The following PTPRN2 variants were observed in gnomAD, a reference collection of about 807,000 sequenced individuals.
PTPRN2 encodes the protein receptor-type tyrosine-protein phosphatase N2.
A neutral mutation model predicts 118.8 loss-of-function variants in PTPRN2; 74 were observed. That is an observed-to-expected ratio of 0.62 (90% CI 0.52 to 0.76). PTPRN2 has a LOEUF of 0.76. Ranked by LOEUF, PTPRN2 falls within the 30% of genes least tolerant of loss-of-function variation. The probability of loss-of-function intolerance (pLI) is 0.00; values close to 1 mark genes in which losing one functional copy is unlikely to be tolerated. For missense variants in PTPRN2, 1,481 were observed against 1,394.4 expected, an observed-to-expected ratio of 1.06 and a Z score of -0.99; for synonymous variants, 641 against 608.0, an observed-to-expected ratio of 1.05 and a Z score of -0.80.
In PTPRN2 at chr7:157,927,128, A is replaced by G. The variant is rs1424889803; in HGVS notation, c.1724-28391T>C. On this transcript the variant is annotated intron_variant, in intron 11 of 22. Coordinates refer to ENST00000389418, the MANE Select transcript of PTPRN2 (RefSeq NM_002847.5). ...ACCCGTCTGAGAACAGAGGCCTCGC[A>G]TCTTCTGGGACCCCGAAGACAGGAA... Among the ~76,000 whole-genome samples, 70 of 113,512 alleles carry G rather than the reference A, an allele frequency of 6.2e-4. 1 individual carries two copies. Among genetic ancestry groups the G allele is most frequent in the South Asian group, 9.8e-4 (3 of 3,070 alleles). 74.5% of individuals were successfully genotyped at this position (113,512 alleles called of 152,430 possible).
At chr7:157,817,445 A>G (rs757261720) in intron 12 of PTPRN2, among the ~76,000 whole-genome samples, 4 of 152,204 alleles carry the variant, frequency 2.6e-5, no homozygotes, top group Non-Finnish European at 5.9e-5. Context: ...CACTGAGGTC[A>G]CATGAGTATC....
At chr7:157,762,995 G>T (rs925177908) in intron 12 of PTPRN2, among the ~76,000 whole-genome samples, 2 of 152,094 alleles carry the variant, frequency 1.3e-5, no homozygotes, top group Admixed American at 1.3e-4. Flanking sequence ...CGGTCACAGG[G>T]CTAACCCTCC....
chr7:158,258,736 G>A (rs1356653405), intron 3 of PTPRN2, among the ~76,000 whole-genome samples: 1 of 152,202 alleles, frequency 6.6e-6, no homozygotes, highest in East Asian at 1.9e-4. Flanking sequence ...GGCATCCAGG[G>A]TTTTCCTTGT....
intron 10 of PTPRN2, among the ~76,000 whole-genome samples, chr7:158,087,454 G>A (rs1326759549): frequency 6.6e-6 from 1 of 152,240 alleles, no homozygotes; most frequent in East Asian, 1.9e-4. Flanking sequence ...GAGTTTCTGA[G>A]TCACTGTTCC....
At chr7:157,712,537 G>A (rs1798696578) in intron 12 of PTPRN2, among the ~76,000 whole-genome samples, 1 of 151,992 alleles carries the variant, frequency 6.6e-6, no homozygotes, top group African/African-American at 2.4e-5. Flanking sequence ...GATCACCTGA[G>A]GTCAGGAGTT....
rs551185805 is a variant in PTPRN2, at chr7:158,114,286, G to A, written c.1557-3371C>T. Reference sequence around the variant, plus strand: ...TGCCCCAGCCACCCTCCAGCGTTTCGGAGTCAGGAGGCCACAGGTCAGGCC... The same window carrying A: ...TGCCCCAGCCACCCTCCAGCGTTTCAGAGTCAGGAGGCCACAGGTCAGGCC... On this transcript the variant is annotated intron_variant, in intron 9 of 22. Coordinates refer to ENST00000389418, the MANE Select transcript of PTPRN2 (RefSeq NM_002847.5). 1.2e-4 allele frequency among the ~76,000 whole-genome samples: 18 copies of A among 152,246 alleles called. No homozygotes were observed. The South Asian group carries it at 2.1e-3, about 18-fold the overall frequency.
chr7:158,326,885 A>G (rs1325669498), intron 2 of PTPRN2, among the ~76,000 whole-genome samples: 1 of 150,918 alleles, frequency 6.6e-6, no homozygotes, highest in Non-Finnish European at 1.5e-5. Context: ...ACGTTCTCAC[A>G]CATGCACACA....
chr7:157,621,400 T>G lies in PTPRN2; in HGVS notation c.2306A>C (p.Glu769Ala). 1 of 1,598,618 alleles carries G rather than the reference T, an allele frequency of 6.3e-7. No homozygotes were observed. Among genetic ancestry groups the G allele is most frequent in the South Asian group, 1.1e-5 (1 of 90,852 alleles). Reference protein sequence around the residue: ...PNSSFVAQREENVPKNRSLAV... With the variant: ...PNSSFVAQREANVPKNRSLAV... Reference sequence around the variant, plus strand: ...CAGGGAGCGGTTCTTGGGCACGTTCTCCTCCCTCTGGGCCACGAACGAGCT... The same window carrying G: ...CAGGGAGCGGTTCTTGGGCACGTTCGCCTCCCTCTGGGCCACGAACGAGCT... Residue 769 changes from glutamate to alanine, a missense_variant, in exon 15 of 23, where the codon GAG (glutamate) becomes GCG (alanine). Physicochemically the swap from Glu to Ala is moderately radical, Grantham distance 107. Coordinates refer to ENST00000389418, the MANE Select transcript of PTPRN2 (RefSeq NM_002847.5).
At chr7:158,045,447 T>C (rs367587717) in intron 11 of PTPRN2, among the ~76,000 whole-genome samples, 3 of 152,236 alleles carry the variant, frequency 2.0e-5, no homozygotes, top group Admixed American at 6.5e-5. Context: ...GTCTTGGCCT[T>C]GTGTCAGCAT....
intron 1 of PTPRN2, among the ~76,000 whole-genome samples, chr7:158,527,195 G>A (rs1414303526): frequency 6.6e-6 from 1 of 151,662 alleles, no homozygotes; most frequent in East Asian, 1.9e-4. Context: ...TTCCCGCACC[G>A]TGGGCCTGGC....
intron 22 of PTPRN2, among the ~76,000 whole-genome samples, chr7:157,545,223 C>CAGTGTCCGTGGCTGTGTGT (rs1491540913): frequency 7.1e-6 from 1 of 141,480 alleles, no homozygotes; most frequent in African/African-American, 2.7e-5. Flanking sequence ...TGGGTGTGCG[C>CAGTGTCCGTGGCTGTGTGT]AGTGTCCGTG....
chr7:158,329,271 C>T (rs1224120525), intron 2 of PTPRN2, among the ~76,000 whole-genome samples: 1 of 152,184 alleles, frequency 6.6e-6, no homozygotes, highest in Non-Finnish European at 1.5e-5. Context: ...ACAGTGAAGA[C>T]AGTGCCGAGA....
At chr7:157,545,889 T>A (rs1195310495) in intron 22 of PTPRN2, among the ~76,000 whole-genome samples, 1 of 152,192 alleles carries the variant, frequency 6.6e-6, no homozygotes, top group Non-Finnish European at 1.5e-5. Context: ...TCCTCTTGGC[T>A]TCGTAGAAGC....
intron 6 of PTPRN2, among the ~76,000 whole-genome samples, chr7:158,146,716 G>C (rs1367444911): frequency 3.6e-5 from 5 of 137,724 alleles, no homozygotes; most frequent in East Asian, 2.0e-4. Context: ...GCGAGACTCT[G>C]CCTCAAAAAA....
rs1160428536 is a variant in PTPRN2 at position 157,801,022 on chromosome 7, CAT to C, written c.1788+97649_1788+97650del. 1.6e-4 allele frequency among the ~76,000 whole-genome samples: 24 copies of C among 148,798 alleles called. No homozygotes were observed. The highest frequency in any genetic ancestry group is 5.8e-4 in the African/African-American group (23 of 39,978). On this transcript the variant is annotated intron_variant, in intron 12 of 22. Transcript: ENST00000389418. The surrounding 1 kb of genome is among the most constrained non-coding windows in gnomAD (Gnocchi z 4.2). ...ATACACACATATACATATACACACACATATATATACACATATATATACACATA... is the reference window on the plus strand; with the variant it reads ...ATACACACATATACATATACACACACATATATACACATATATATACACATA...
At position 158,138,334 on chromosome 7, in the gene PTPRN2, C is replaced by T. The variant is rs775781362; in HGVS notation, c.1092G>A (p.Ala364=). The T allele has an allele frequency of 2.9e-5, 47 of 1,613,508 alleles. No homozygotes were observed. In the Admixed American group the frequency reaches 3.0e-4, roughly 10 times the overall value. ...RAALGESGEQ[A]DGPKATLRGD... ...CACGGAGGGTGGCCTTGGGGCCATC[C>T]GCCTGTTCTCCAGACTCTCCCAGGG... Residue 364 remains alanine, a synonymous_variant, in exon 7 of 23, where the codon GCG becomes GCA. Coordinates refer to ENST00000389418, the MANE Select transcript of PTPRN2 (RefSeq NM_002847.5).
At chr7:158,579,159 A>T (rs1179788481) in intron 1 of PTPRN2, among the ~76,000 whole-genome samples, 2 of 152,240 alleles carry the variant, frequency 1.3e-5, no homozygotes, top group Non-Finnish European at 1.5e-5. Context: ...TCTCATCATC[A>T]CAACAAAACC....
In PTPRN2 at chr7:157,772,136, GAC is replaced by G. The variant is rs200184040; in HGVS notation, c.1789-89201_1789-89200del. ...ACACAGACATACACATACACAGACA[GAC>G]ACACACACAGACACAAACACACACA... On this transcript the variant is annotated intron_variant, in intron 12 of 22. Coordinates refer to ENST00000389418, the MANE Select transcript of PTPRN2 (RefSeq NM_002847.5). Among the ~76,000 whole-genome samples, 25 of 138,760 alleles carry G rather than the reference GAC, an allele frequency of 1.8e-4. 1 individual carries two copies. In the East Asian group the frequency reaches 5.1e-3, roughly 28 times the overall value. The allele number at this position is 138,760 out of a possible 152,430, so 91.0% of individuals were successfully genotyped here. A position where few individuals can be genotyped will look rare whatever the true frequency, so the allele number is the denominator to read the frequency against.
At chr7:157,793,387 C>T (rs747662655) in intron 12 of PTPRN2, among the ~76,000 whole-genome samples, 57 of 151,658 alleles carry the variant, frequency 3.8e-4, no homozygotes, top group African/African-American at 1.3e-3. Context: ...CCCTGTGTAC[C>T]CTGTGAGTAT....
Sources: gnomAD v4.1 joint callset for allele counts (sites outside exome capture counted in the v4.1 genomes callset) on GRCh38, gnomAD v4.1.1 for gene constraint, Gnocchi (gnomAD v3.1) non-coding constraint, MANE v1.5 for transcripts, NCBI Gene and HGNC (gene_info 2026-07-23, HGNC 2026-07-21) for gene names.